The following STARD13 variants were observed in gnomAD, a reference collection of about 807,000 sequenced individuals.
STARD13 encodes StAR related lipid transfer domain containing 13, also known as stAR-related lipid transfer protein 13.
Under a neutral mutation model 106.4 loss-of-function variants are expected in STARD13, and 62 were observed. The observed-to-expected ratio is 0.58, with a 90% CI of 0.48 to 0.72. The LOEUF (loss-of-function observed/expected upper bound fraction) is 0.72. STARD13 is among the 30% of genes least tolerant of loss of function. The pLI is 0.00. For synonymous variants in STARD13, 565 were observed against 553.0 expected (o/e 1.02, Z -0.31); for missense variants, 1,387 against 1,424.0 (o/e 0.97, Z 0.42).
At chr13:33,214,849 G>A (rs931875445) in intron 1 of STARD13, among the ~76,000 whole-genome samples, 1 of 151,954 alleles carries the variant, frequency 6.6e-6, no homozygotes, top group Admixed American at 6.6e-5. Context: ...AGTTTCAAGG[G>A]GGCCATCACT....
At chr13:33,125,682 C>T (rs1877053254) in intron 7 of STARD13, among the ~76,000 whole-genome samples, 1 of 151,916 alleles carries the variant, frequency 6.6e-6, no homozygotes, top group South Asian at 2.1e-4. Flanking sequence ...TAAAAGGAGG[C>T]ATGAAAAACC....
the STARD13 span, among the ~76,000 whole-genome samples, chr13:33,426,548 T>C: frequency 6.6e-6 from 1 of 152,192 alleles, no homozygotes; most frequent in Non-Finnish European, 1.5e-5. Flanking sequence ...AATCCAAAAC[T>C]ATTCATTATA....
At chr13:33,255,965 T>C (rs1355801309) in intron 1 of STARD13, among the ~76,000 whole-genome samples, 1 of 152,228 alleles carries the variant, frequency 6.6e-6, no homozygotes, top group African/African-American at 2.4e-5. Flanking sequence ...GCAGGTCAAT[T>C]TTTATATCAA....
chr13:33,570,593 C>G, the STARD13 span, among the ~76,000 whole-genome samples: 2 of 123,826 alleles, frequency 1.6e-5, 1 homozygote, highest in Admixed American at 1.8e-4. Flanking sequence ...CAGTTTTGCT[C>G]TTTTCTGGTT....
At chr13:33,204,703 T>C (rs1594103056) in intron 1 of STARD13, among the ~76,000 whole-genome samples, 2 of 152,346 alleles carry the variant, frequency 1.3e-5, no homozygotes, top group Non-Finnish European at 2.9e-5. Context: ...GTAAATGAAA[T>C]CAATCAGCAA....
At chr13:33,255,760 G>A (rs569698818) in intron 1 of STARD13, among the ~76,000 whole-genome samples, 2 of 152,196 alleles carry the variant, frequency 1.3e-5, no homozygotes, top group South Asian at 2.1e-4. Flanking sequence ...GGGAGGGGAC[G>A]GCTCATGGCA....
the STARD13 span, among the ~76,000 whole-genome samples, chr13:33,508,319 C>A: frequency 3.9e-5 from 6 of 152,116 alleles, no homozygotes; most frequent in Non-Finnish European, 1.5e-5. Context: ...TGTTGCTAAC[C>A]CTGCGGATGC....
At chr13:33,385,799 C>T in the STARD13 span, among the ~76,000 whole-genome samples, 5 of 142,994 alleles carry the variant, frequency 3.5e-5, no homozygotes, top group Admixed American at 7.3e-5. Flanking sequence ...TGCAGTGAGC[C>T]GAGATTGTGC....
At chr13:33,391,063 A>C in the STARD13 span, among the ~76,000 whole-genome samples, 29 of 152,166 alleles carry the variant, frequency 1.9e-4, no homozygotes, top group Admixed American at 1.6e-3. Flanking sequence ...AAAACATCAG[A>C]GTCTGGGTTA....
the STARD13 span, among the ~76,000 whole-genome samples, chr13:33,430,348 A>G: frequency 6.6e-5 from 10 of 152,230 alleles, no homozygotes; most frequent in Admixed American, 6.5e-5. Context: ...TACCTCATGT[A>G]TCTCATAAAC....
chr13:33,119,062 G>A (rs1875844424), intron 7 of STARD13, among the ~76,000 whole-genome samples: 1 of 152,038 alleles, frequency 6.6e-6, no homozygotes, highest in African/African-American at 2.4e-5. Flanking sequence ...CAAGGACAGA[G>A]TGGCCCTAAT....
At chr13:33,510,025 G>A in the STARD13 span, among the ~76,000 whole-genome samples, 1 of 152,210 alleles carries the variant, frequency 6.6e-6, no homozygotes, top group Non-Finnish European at 1.5e-5. Flanking sequence ...TTGCCCAGCA[G>A]CATGAGATCA....
At chr13:33,407,607 G>T in the STARD13 span, among the ~76,000 whole-genome samples, 1 of 151,750 alleles carries the variant, frequency 6.6e-6, no homozygotes, top group African/African-American at 2.4e-5. Context: ...GTCACAGCAG[G>T]TATTTTTAAA....
the STARD13 span, among the ~76,000 whole-genome samples, chr13:33,591,023 T>A: frequency 6.6e-6 from 1 of 152,386 alleles, no homozygotes; most frequent in Non-Finnish European, 1.5e-5. Flanking sequence ...TATGCAACTG[T>A]TATATTCTAA....
intron 1 of STARD13, chr13:33,334,020 G>A (rs1043770431): frequency 6.6e-6 from 1 of 152,160 alleles, no homozygotes; most frequent in Non-Finnish European, 1.5e-5. Flanking sequence ...TCATCTATAA[G>A]ACATCCATGT....
At chr13:33,639,887 C>T in the STARD13 span, among the ~76,000 whole-genome samples, 474 of 152,288 alleles carry the variant, frequency 3.1e-3, 5 homozygotes, top group African/African-American at 0.011. Context: ...TGGTGGGTGG[C>T]GGGGACTACC....
intron 1 of STARD13, among the ~76,000 whole-genome samples, chr13:33,293,639 C>T (rs563578469): frequency 3.9e-5 from 6 of 152,254 alleles, no homozygotes; most frequent in South Asian, 2.1e-4. Context: ...AGGAGATTAA[C>T]GTTTGATTTA....
the STARD13 span, among the ~76,000 whole-genome samples, chr13:33,359,864 C>T: frequency 1.3e-5 from 2 of 152,110 alleles, no homozygotes; most frequent in African/African-American, 2.4e-5. Context: ...GAGATTAAAC[C>T]TATTTCATTC....
chr13:33,368,371 T>G, the STARD13 span, among the ~76,000 whole-genome samples: 1 of 152,214 alleles, frequency 6.6e-6, no homozygotes, highest in Non-Finnish European at 1.5e-5. Flanking sequence ...TTGGGTACCT[T>G]CTATGTACCA....
Sources: allele counts gnomAD v4.1 joint callset (sites outside exome capture counted in the v4.1 genomes callset), GRCh38; gene constraint gnomAD v4.1.1; transcripts MANE v1.5; gene names NCBI Gene and HGNC (gene_info 2026-07-23, HGNC 2026-07-21).